CDC37: variants seen among roughly 807,000 people sequenced by gnomAD.
CDC37 encodes cell division cycle 37, HSP90 cochaperone.
In CDC37, 9 loss-of-function variants were observed where a neutral mutation model predicts 46.9. The ratio of observed to expected loss-of-function variants is 0.19; its 90% CI spans 0.12 to 0.33. The LOEUF (loss-of-function observed/expected upper bound fraction) is 0.33. Among genes scored for constraint, CDC37 ranks in the 10% least tolerant of loss-of-function variants. CDC37 has a pLI of 1.00. For synonymous variants in CDC37, 193 were observed against 191.0 expected (o/e 1.01, Z -0.09); for missense variants, 388 against 514.6 (o/e 0.75, Z 2.38).
rs1281213497 is a variant in CDC37 at position 10,396,728 on chromosome 19, G to A, written c.103-525C>T. On this transcript the variant is annotated intron_variant, in intron 1 of 7. Coordinates refer to ENST00000222005, the MANE Select transcript of CDC37 (RefSeq NM_007065.4). The surrounding 1 kb of genome is among the most constrained non-coding windows in gnomAD (Gnocchi z 5.9). ...TGGGACTACAGGTGTGCACCAGCACGCCCAGCTAATTTTTGTATTTTCAGT... is the reference window on the plus strand; with the variant it reads ...TGGGACTACAGGTGTGCACCAGCACACCCAGCTAATTTTTGTATTTTCAGT... Among the ~76,000 whole-genome samples, 2 of 152,060 alleles carry A rather than the reference G, an allele frequency of 1.3e-5. No individual in the cohort carries two copies. Among genetic ancestry groups the A allele is most frequent in the African/African-American group, 2.4e-5 (1 of 41,456 alleles).
Position 10,393,570 on chromosome 19 carries a change from G to A in CDC37, c.727-129C>T. On this transcript the variant is annotated intron_variant, in intron 5 of 7. Transcript: ENST00000222005. The surrounding 1 kb of genome is among the most constrained non-coding windows in gnomAD (Gnocchi z 4.9). ...CCCCAAGTCTATTCCTGACCTACAT[G>A]AAGGGCTCCCCAAGGCCTGGGCTCC... 1 of 984,834 alleles carries A rather than the reference G, an allele frequency of 1.0e-6. No homozygotes were observed. Among genetic ancestry groups the A allele is most frequent in the Non-Finnish European group, 1.5e-6 (1 of 687,174 alleles). The allele number at this position is 984,834 out of a possible 1,614,324, so 61.0% of individuals were successfully genotyped here.
chr19:10,402,284 A>G (rs2042523365), intron 1 of CDC37, among the ~76,000 whole-genome samples: 1 of 151,764 alleles, frequency 6.6e-6, no homozygotes, highest in Non-Finnish European at 1.5e-5. Context: ...GTGAGCACTG[A>G]GAGGGTGGTG....
intron 1 of CDC37, among the ~76,000 whole-genome samples, chr19:10,397,968 G>T (rs954628082): frequency 6.6e-6 from 1 of 152,072 alleles, no homozygotes; most frequent in African/African-American, 2.4e-5. Context: ...GATTGTACAG[G>T]CCTCTCCTGA....
intron 7 of CDC37, 40 bp from the exon 8 acceptor site, chr19:10,391,746 C>A (rs781177078): frequency 6.2e-7 from 1 of 1,601,888 alleles, no homozygotes; most frequent in East Asian, 2.2e-5. Flanking sequence ...GGGCCGCCAG[C>A]CGGTGGTCCC....
At position 10,391,654 on chromosome 19, in the gene CDC37, T is replaced by C; in HGVS notation, c.1034A>G (p.Asn345Ser). 2 of 1,613,984 alleles carry C rather than the reference T, an allele frequency of 1.2e-6. No homozygotes were observed. Among genetic ancestry groups the C allele is most frequent in the Non-Finnish European group, 8.5e-7 (1 of 1,179,942 alleles). Residue 345 changes from asparagine to serine, a missense_variant, in exon 8 of 8, where the codon AAC (asparagine) becomes AGC (serine). This residue lies in a region of CDC37 where 374 missense variants were observed against 467.4 expected (regional missense o/e 0.80). Transcript: ENST00000222005. ...RCIDSGLWVP[N>S]SKASEAKEGE... The stretch of plus-strand genomic sequence containing the variant: ...CTCCTTGGCCTCGCTGGCCTTAGAG[T>C]TGGGGACCCAGAGGCCAGAGTCAAT...
In CDC37 at chr19:10,395,055, CG is replaced by C; in HGVS notation, c.691del (p.Arg231GlyfsTer45). 1 of 1,536,654 alleles carries C rather than the reference CG, an allele frequency of 6.5e-7. No individual in the cohort carries two copies. The highest frequency in any genetic ancestry group is 2.0e-5 in the Admixed American group (1 of 50,272). On this transcript the variant is annotated frameshift_variant, in exon 5 of 8. Transcript: ENST00000222005. LOFTEE classifies it high-confidence loss of function. ...ELAKSLKVDP[R>X]ACFRQFFTKI... ...AGTGAAGAACTGCCGGAAGCAGGCC[CG>C]GGGGTCCACCTTTAGGCTCTTGGCC...
Position 10,395,132 on chromosome 19 carries a change from G to C in CDC37, c.615C>G (p.Leu205=), listed in dbSNP as rs369440357. The change falls in exon 5 of 8, where the codon CTC becomes CTG. Residue 205 remains leucine, a synonymous_variant. Coordinates refer to ENST00000222005, the MANE Select transcript of CDC37 (RefSeq NM_007065.4). ...TTGTCTGGTGGGCCACCTGCTCCAT[G>C]AGTGCACATTTCTGCCAGGAAGAAC... The part of the protein sequence containing the change: ...IDLEVEEKCA[L]MEQVAHQTIV... 7 of 1,596,038 alleles carry C rather than the reference G, an allele frequency of 4.4e-6. No homozygotes were observed. Among genetic ancestry groups the C allele is most frequent in the African/African-American group, 1.3e-5 (1 of 74,610 alleles).
intron 7 of CDC37, among the ~76,000 whole-genome samples, chr19:10,392,221 T>C (rs565065044): frequency 1.2e-4 from 18 of 152,368 alleles, no homozygotes; most frequent in Non-Finnish European, 2.4e-4. Context: ...GTGAGCCATA[T>C]GGTCTCCATC....
intron 2 of CDC37, 163 bp downstream of exon 2, chr19:10,395,765 C>A: frequency 4.8e-6 from 2 of 414,662 alleles, no homozygotes; most frequent in Non-Finnish European, 9.0e-6. Flanking sequence ...CCTGTCCCCC[C>A]TCCCACGTGG....
intron 1 of CDC37, among the ~76,000 whole-genome samples, chr19:10,400,858 AAATT>A (rs2042515212): frequency 6.6e-6 from 1 of 151,894 alleles, no homozygotes; most frequent in Non-Finnish European, 1.5e-5. Context: ...CCATGAACAG[AAATT>A]ATTTAAATGA....
chr19:10,397,249 TTTTTG>T (rs2042497150), intron 1 of CDC37, among the ~76,000 whole-genome samples: 1 of 152,028 alleles, frequency 6.6e-6, no homozygotes, highest in African/African-American at 2.4e-5. Context: ...CTTGTTTTTT[TTTTTG>T]TTTTTATTTT....
intron 1 of CDC37, among the ~76,000 whole-genome samples, chr19:10,400,882 T>A (rs1256395735): frequency 6.6e-6 from 1 of 152,014 alleles, no homozygotes; most frequent in Non-Finnish European, 1.5e-5. Flanking sequence ...ATGATGATGA[T>A]AATAGCCACT....
Position 10,393,133 on chromosome 19 carries a change from T to C in CDC37, c.934A>G (p.Lys312Glu), listed in dbSNP as rs1484833208. 6.2e-7 allele frequency: 1 copy of C among 1,613,796 alleles called. No homozygotes were observed. The highest frequency in any genetic ancestry group is 8.5e-7 in the Non-Finnish European group (1 of 1,179,946). Reference protein sequence around the residue: ...PEELQKCFDVKDVQMLQDAIS... With the variant: ...PEELQKCFDVEDVQMLQDAIS... ...GCGTCCTGCAGCATCTGCACGTCCT[T>C]CACATCGAAGCACTTCTGGAGTTCC... The change falls in exon 7 of 8, where the codon AAG becomes GAG. Residue 312 changes from lysine (K) to glutamate (E), a missense_variant. By Grantham distance (56) the Lys-to-Glu change is moderately conservative. This residue lies in a region of CDC37 where 374 missense variants were observed against 467.4 expected (regional missense o/e 0.80). Coordinates refer to ENST00000222005, the MANE Select transcript of CDC37 (RefSeq NM_007065.4). The surrounding 1 kb of genome is among the most constrained non-coding windows in gnomAD (Gnocchi z 4.9).
At chr19:10,401,248 CAAAG>C (rs1019453214) in intron 1 of CDC37, among the ~76,000 whole-genome samples, 12 of 152,288 alleles carry the variant, frequency 7.9e-5, no homozygotes, top group African/African-American at 2.4e-4. Context: ...CTTGCCACAT[CAAAG>C]AAAGAAAGAA....
At chr19:10,397,336 C>T (rs2042497580) in intron 1 of CDC37, among the ~76,000 whole-genome samples, 1 of 151,138 alleles carries the variant, frequency 6.6e-6, no homozygotes, top group African/African-American at 2.4e-5. Flanking sequence ...TGGCTCACTG[C>T]AGCCTTGATC....
chr19:10,399,884 A>T (rs558708348), intron 1 of CDC37, among the ~76,000 whole-genome samples: 1 of 140,474 alleles, frequency 7.1e-6, no homozygotes, highest in South Asian at 2.5e-4. Context: ...GTGAGCCGAG[A>T]TGGCACCACT....
In CDC37 at chr19:10,396,070, G is replaced by T; in HGVS notation, c.236C>A (p.Ala79Glu). The T allele has an allele frequency of 6.2e-7, 1 of 1,613,934 alleles. No individual in the cohort carries two copies. The highest frequency in any genetic ancestry group is 8.5e-7 in the Non-Finnish European group (1 of 1,179,944). ...CTCGGCCTGCAGGCGCTCCAGCTCT[G>T]CCTTGCCGCCCTCGGCCACCTCCAG... ...KELEVAEGGKAELERLQAEAQ... is the reference protein window; with the variant it reads ...KELEVAEGGKEELERLQAEAQ... Residue 79 changes from alanine (A) to glutamate (E), a missense_variant, in exon 2 of 8, where the codon GCA becomes GAA. Ala to Glu is a moderately radical substitution (Grantham distance 107). Around this residue, in one of 2 missense-constraint regions of CDC37, gnomAD observed 374 missense variants for 467.4 expected, o/e 0.80. Transcript: ENST00000222005. This position sits in a 1 kb window ranked among gnomAD's most constrained non-coding sequence, Gnocchi z 5.9.
At chr19:10,403,179 TG>T (rs1163199569) in intron 1 of CDC37, among the ~76,000 whole-genome samples, 198 bp downstream of exon 1, 2 of 148,630 alleles carry the variant, frequency 1.3e-5, no homozygotes, top group African/African-American at 2.5e-5. Flanking sequence ...GAGCAGGGAG[TG>T]GGGGAGCGGA....
In CDC37 at chr19:10,393,231, G is replaced by A. The variant is rs199570945; in HGVS notation, c.909+28C>T. The A allele has an allele frequency of 1.2e-4, 200 of 1,612,780 alleles. No individual in the cohort carries two copies. In the East Asian group the frequency reaches 4.1e-3, roughly 33 times the overall value. ...GGGGGGTCCCGCTCAGGGTCTTCCT[G>A]CTGCCCGCCTGGGCCGGGGAGCCCC... On this transcript the variant is annotated intron_variant, in intron 6 of 7. Transcript: ENST00000222005. This position sits in a 1 kb window ranked among gnomAD's most constrained non-coding sequence, Gnocchi z 4.9.
Sources: gnomAD v4.1 joint callset for allele counts (sites outside exome capture counted in the v4.1 genomes callset) on GRCh38, gnomAD v4.1.1 for gene constraint, gnomAD v4.1.1 regional missense constraint, Gnocchi (gnomAD v3.1) non-coding constraint, MANE v1.5 for transcripts, NCBI Gene and HGNC (gene_info 2026-07-23, HGNC 2026-07-21) for gene names.